Variants in ADAMTS3 observed in about 807,000 individuals in gnomAD.
The protein encoded by ADAMTS3 is A disintegrin and metalloproteinase with thrombospondin motifs 3.
Under a neutral mutation model 129.0 loss-of-function variants are expected in ADAMTS3, and 73 were observed. The observed-to-expected ratio is 0.57, with a 90% CI of 0.47 to 0.69. The LOEUF (loss-of-function observed/expected upper bound fraction) is 0.69, where lower values mean the gene tolerates loss of function less well. Ranked by LOEUF, ADAMTS3 falls within the 30% of genes least tolerant of loss-of-function variation. The pLI, the probability that ADAMTS3 is intolerant of heterozygous loss-of-function variation, is 0.00. For synonymous variants in ADAMTS3, 477 were observed against 510.8 expected (o/e 0.93, Z 0.89); for missense variants, 1,457 against 1,514.5 (o/e 0.96, Z 0.63).
chr4:72,307,161 T>C (rs140704827), intron 15 of ADAMTS3, among the ~76,000 whole-genome samples: 152 of 152,120 alleles, frequency 1.0e-3, no homozygotes, highest in African/African-American at 3.6e-3. Flanking sequence ...TGTATATGTA[T>C]AATAATATAC....
Position 72,282,956 on chromosome 4 carries a change from G to A in ADAMTS3, c.*180C>T. The A allele has an allele frequency of 3.7e-6, 2 of 539,798 alleles. No homozygotes were observed. The highest frequency in any genetic ancestry group is 5.8e-5 in the South Asian group (2 of 34,570). 33.4% of individuals were successfully genotyped at this position (539,798 alleles called of 1,614,324 possible). A position where few individuals can be genotyped will look rare whatever the true frequency, so the allele number is the denominator to read the frequency against. ...AATGAATTCTGGTAAATGAGTCAATGCAGAACAAAAGGAGGATGAAAGCAA... is the reference window on the plus strand; with the variant it reads ...AATGAATTCTGGTAAATGAGTCAATACAGAACAAAAGGAGGATGAAAGCAA... On this transcript the variant is annotated 3_prime_UTR_variant, in exon 22 of 22. Coordinates refer to ENST00000286657, the MANE Select transcript of ADAMTS3 (RefSeq NM_014243.3).
chr4:72,526,429 T>C (rs1720808314), intron 3 of ADAMTS3, among the ~76,000 whole-genome samples: 1 of 152,070 alleles, frequency 6.6e-6, no homozygotes, highest in Admixed American at 6.6e-5. Context: ...CTATCCCATC[T>C]GGCAATTTTT....
intron 3 of ADAMTS3, among the ~76,000 whole-genome samples, chr4:72,534,413 T>C (rs1205208514): frequency 6.6e-6 from 1 of 152,124 alleles, no homozygotes; most frequent in Admixed American, 6.6e-5. Context: ...TCTAGCTCCC[T>C]AGATCTTAAG....
At chr4:72,531,858 T>C (rs1445529738) in intron 3 of ADAMTS3, among the ~76,000 whole-genome samples, 1 of 152,164 alleles carries the variant, frequency 6.6e-6, no homozygotes, top group African/African-American at 2.4e-5. Flanking sequence ...ACACAGTTTC[T>C]GTATGCTGCC....
At chr4:72,523,146 A>G (rs1720717197) in intron 3 of ADAMTS3, among the ~76,000 whole-genome samples, 1 of 152,104 alleles carries the variant, frequency 6.6e-6, no homozygotes, top group African/African-American at 2.4e-5. Context: ...AAATATAAAA[A>G]AAAGAAAAAG....
intron 6 of ADAMTS3, among the ~76,000 whole-genome samples, chr4:72,321,911 G>C (rs959272169): frequency 1.3e-5 from 2 of 152,104 alleles, no homozygotes; most frequent in South Asian, 4.2e-4. Context: ...GTTCAGGGGG[G>C]AAAAGGGCCC....
intron 3 of ADAMTS3, among the ~76,000 whole-genome samples, chr4:72,520,444 G>A (rs943603223): frequency 1.3e-5 from 2 of 152,284 alleles, no homozygotes; most frequent in Non-Finnish European, 2.9e-5. Flanking sequence ...GCCCCCAGAG[G>A]TGGAGCCTAC....
At chr4:72,409,893 A>G (rs1722145652) in intron 4 of ADAMTS3, among the ~76,000 whole-genome samples, 2 of 152,202 alleles carry the variant, frequency 1.3e-5, no homozygotes, top group African/African-American at 4.8e-5. Flanking sequence ...TTCAATAGTA[A>G]TAGCCTTGAC....
chr4:72,331,686 T>C (rs78721956), intron 5 of ADAMTS3, among the ~76,000 whole-genome samples: 5,639 of 152,186 alleles, frequency 0.037, 347 homozygotes, highest in African/African-American at 0.13. Context: ...ACTCCATAAA[T>C]TAATACTTCT....
chr4:72,320,542 A>G (rs1322683560), intron 7 of ADAMTS3, among the ~76,000 whole-genome samples, 172 bp downstream of exon 7: 1 of 152,214 alleles, frequency 6.6e-6, no homozygotes, highest in Non-Finnish European at 1.5e-5. Context: ...GGCATTTAAC[A>G]TTGAGAACTC....
intron 3 of ADAMTS3, among the ~76,000 whole-genome samples, chr4:72,521,300 T>C (rs1264024200): frequency 6.6e-6 from 1 of 152,144 alleles, no homozygotes; most frequent in Non-Finnish European, 1.5e-5. Context: ...GCTAGGTCAA[T>C]ATTTACAATC....
At chr4:72,516,339 G>C (rs1359329168) in intron 3 of ADAMTS3, among the ~76,000 whole-genome samples, 2 of 152,056 alleles carry the variant, frequency 1.3e-5, no homozygotes, top group African/African-American at 4.8e-5. Context: ...TGTTCCATAT[G>C]AACTTTCAAG....
chr4:72,455,444 G>A (rs1718521643), intron 3 of ADAMTS3, among the ~76,000 whole-genome samples: 1 of 151,234 alleles, frequency 6.6e-6, no homozygotes, highest in African/African-American at 2.4e-5. Context: ...TGGACACAGG[G>A]AGGGGAACAT....
intron 3 of ADAMTS3, among the ~76,000 whole-genome samples, chr4:72,517,505 A>C (rs1205890370): frequency 3.3e-5 from 5 of 152,162 alleles, no homozygotes; most frequent in African/African-American, 1.2e-4. Context: ...TTATTGCCAC[A>C]ATTTCAGAGC....
chr4:72,424,979 G>T (rs1172515880), intron 3 of ADAMTS3, among the ~76,000 whole-genome samples: 1 of 151,932 alleles, frequency 6.6e-6, no homozygotes, highest in Admixed American at 6.6e-5. Flanking sequence ...CATATTCTTT[G>T]TCATATTGAA....
intron 4 of ADAMTS3, among the ~76,000 whole-genome samples, chr4:72,411,088 TA>T (rs531348593): frequency 1.7e-4 from 26 of 152,238 alleles, no homozygotes; most frequent in Non-Finnish European, 3.5e-4. Context: ...ATTTTTGACT[TA>T]AAAAAACATA....
intron 4 of ADAMTS3, among the ~76,000 whole-genome samples, chr4:72,370,201 C>T (rs1329781182): frequency 6.6e-6 from 1 of 152,074 alleles, no homozygotes; most frequent in Admixed American, 6.5e-5. Context: ...CAGCCTGCGC[C>T]GAAGATTTAT....
chr4:72,343,504 T>C (rs1191164127), intron 4 of ADAMTS3, among the ~76,000 whole-genome samples: 1 of 152,146 alleles, frequency 6.6e-6, no homozygotes, highest in Non-Finnish European at 1.5e-5. Context: ...ATCACCATGA[T>C]CGTGTCTCCC....
chr4:72,562,139 GAGTT>G (rs777183041), intron 2 of ADAMTS3, among the ~76,000 whole-genome samples: 1 of 152,242 alleles, frequency 6.6e-6, no homozygotes, highest in South Asian at 2.1e-4. Flanking sequence ...GGGTACTTGA[GAGTT>G]AGAAAAATTA....
Sources: gnomAD v4.1 joint callset for allele counts (sites outside exome capture counted in the v4.1 genomes callset) on GRCh38, gnomAD v4.1.1 for gene constraint, MANE v1.5 for transcripts, NCBI Gene and HGNC (gene_info 2026-07-23, HGNC 2026-07-21) for gene names.